GALK2: variants seen among roughly 807,000 people sequenced by gnomAD.
GALK2 encodes N-acetylgalactosamine kinase.
Under a neutral mutation model 52.4 loss-of-function variants are expected in GALK2, and 36 were observed. The observed-to-expected ratio is 0.69, with a 90% CI of 0.53 to 0.91. The LOEUF (loss-of-function observed/expected upper bound fraction) is 0.91. Ranked by LOEUF, GALK2 falls within the 40% of genes least tolerant of loss-of-function variation. The pLI is 0.00. For missense variants in GALK2, 579 were observed against 559.1 expected, an observed-to-expected ratio of 1.04 and a Z score of -0.36; for synonymous variants, 176 against 199.1, an observed-to-expected ratio of 0.88 and a Z score of 0.98.
At chr15:49,307,867 A>AT (rs558638431) in intron 8 of GALK2, among the ~76,000 whole-genome samples, 37 of 152,056 alleles carry the variant, frequency 2.4e-4, no homozygotes, top group Middle Eastern at 3.4e-3. Context: ...TTGAAAGTGC[A>AT]TTTTTTTTCA....
intron 5 of GALK2, among the ~76,000 whole-genome samples, chr15:49,254,300 G>C (rs940802331): frequency 2.1e-5 from 3 of 144,016 alleles, no homozygotes; most frequent in African/African-American, 7.5e-5. Context: ...GACCATCAAA[G>C]ACCATAAATC....
intron 3 of GALK2, among the ~76,000 whole-genome samples, chr15:49,361,251 T>TA (rs1567151364): frequency 6.6e-6 from 1 of 152,188 alleles, no homozygotes; most frequent in Non-Finnish European, 1.5e-5. Context: ...AATTTTTTTT[T>TA]AACTTTTATT....
chr15:49,230,000 C>G (rs984155603), intron 3 of GALK2, among the ~76,000 whole-genome samples: 1 of 152,134 alleles, frequency 6.6e-6, no homozygotes, highest in Non-Finnish European at 1.5e-5. Context: ...AAATACACAG[C>G]AGTCCCACTG....
intron 5 of GALK2, among the ~76,000 whole-genome samples, chr15:49,262,159 G>A (rs925307170): frequency 2.8e-4 from 42 of 152,000 alleles, no homozygotes; most frequent in African/African-American, 1.0e-3. Context: ...GTTCCTCCTT[G>A]TACCTCTGGT....
chr15:49,176,207 C>A, intron 1 of GALK2, among the ~76,000 whole-genome samples: 1 of 152,264 alleles, frequency 6.6e-6, no homozygotes, highest in East Asian at 1.9e-4. Flanking sequence ...ACCTTTTGTT[C>A]CTGACTTCCC....
intron 1 of GALK2, among the ~76,000 whole-genome samples, chr15:49,187,209 G>A (rs1007617427): frequency 2.6e-5 from 4 of 152,212 alleles, no homozygotes; most frequent in African/African-American, 9.7e-5. Context: ...TACTGCCTTG[G>A]TGGTGTTGGG....
intron 5 of GALK2, among the ~76,000 whole-genome samples, chr15:49,263,442 T>C (rs1422650319): frequency 3.7e-5 from 4 of 108,608 alleles, no homozygotes. Flanking sequence ...CTCCATCCTT[T>C]TATTTTGAGC....
chr15:49,206,263 A>C (rs1434763641), intron 2 of GALK2, among the ~76,000 whole-genome samples: 2 of 151,338 alleles, frequency 1.3e-5, no homozygotes, highest in East Asian at 3.9e-4. Context: ...ATTTATTATT[A>C]TTATACTTTT....
intron 8 of GALK2, among the ~76,000 whole-genome samples, chr15:49,304,870 T>C (rs2035416858): frequency 6.6e-6 from 1 of 152,276 alleles, no homozygotes; most frequent in Admixed American, 6.5e-5. Flanking sequence ...TGATCTCTTT[T>C]TATGTTACAC....
intron 3 of GALK2, among the ~76,000 whole-genome samples, chr15:49,358,300 C>T (rs1596489541): frequency 8.0e-6 from 1 of 124,400 alleles, no homozygotes; most frequent in Admixed American, 7.6e-5. Flanking sequence ...TCAAATTGTC[C>T]CTGTTTGCAG....
At chr15:49,281,710 G>T (rs758250719) in intron 5 of GALK2, among the ~76,000 whole-genome samples, 5 of 152,186 alleles carry the variant, frequency 3.3e-5, no homozygotes, top group Non-Finnish European at 7.3e-5. Context: ...TAGAAAGATG[G>T]TAGAAACTGC....
At chr15:49,264,841 C>A (rs2092293843) in intron 5 of GALK2, among the ~76,000 whole-genome samples, 1 of 152,224 alleles carries the variant, frequency 6.6e-6, no homozygotes, top group African/African-American at 2.4e-5. Context: ...AGGTCCACTC[C>A]AGACCCTGTT....
intron 8 of GALK2, among the ~76,000 whole-genome samples, chr15:49,307,289 T>C (rs1207427277): frequency 2.6e-5 from 4 of 152,178 alleles, no homozygotes; most frequent in South Asian, 2.1e-4. Context: ...ACCATACCAT[T>C]TGGGGGACTG....
intron 1 of GALK2, among the ~76,000 whole-genome samples, chr15:49,184,952 T>G (rs2141237548): frequency 6.6e-6 from 1 of 152,312 alleles, no homozygotes; most frequent in Middle Eastern, 3.4e-3. Flanking sequence ...TACCAGTGAA[T>G]TTTCTATCTT....
intron 3 of GALK2, among the ~76,000 whole-genome samples, chr15:49,339,681 G>A (rs1402065523): frequency 6.6e-6 from 1 of 152,202 alleles, no homozygotes; most frequent in Non-Finnish European, 1.5e-5. Context: ...TGTCTTTAGA[G>A]CTGCCAAGTA....
intron 5 of GALK2, among the ~76,000 whole-genome samples, chr15:49,264,097 C>G (rs1393884974): frequency 6.6e-6 from 1 of 151,692 alleles, no homozygotes; most frequent in Non-Finnish European, 1.5e-5. Context: ...TCTGGATTTC[C>G]TGAATCTGAA....
chr15:49,367,359 A>G lies in GALK2; in HGVS notation c.427-132A>G, dbSNP rs949753426. 26 of 1,173,722 alleles carry G rather than the reference A, an allele frequency of 2.2e-5. No individual in the cohort carries two copies. The African/African-American group carries it at 4.0e-4, about 18-fold the overall frequency. The allele number at this position is 1,173,722 out of a possible 1,614,324, so 72.7% of individuals were successfully genotyped here. A position where few individuals can be genotyped will look rare whatever the true frequency, so the allele number is the denominator to read the frequency against. Reference sequence around the variant, plus strand: ...GAAGCATTGATAAAACATGCATTCAATTTGTTTCTCAATTGAGACATTCAG... The same window carrying G: ...GAAGCATTGATAAAACATGCATTCAGTTTGTTTCTCAATTGAGACATTCAG... On this transcript the variant is annotated intron_variant, in intron 3 of 3. Coordinates refer to the GALK2 transcript ENST00000558399.
At chr15:49,225,908 G>A (rs957127305) in intron 3 of GALK2, among the ~76,000 whole-genome samples, 4 of 152,220 alleles carry the variant, frequency 2.6e-5, no homozygotes, top group African/African-American at 9.6e-5. Flanking sequence ...CACCCATACT[G>A]GGCAGTGGAG....
rs2038077343 is a variant in GALK2 at position 49,329,034 on chromosome 15, T to A, written c.*875T>A. ...TTCTTATCACTCTTTTTCTACTACT[T>A]TTTCTCAAATACCTCTCTAATCCAA... is the stretch of plus-strand genomic sequence containing the variant. On this transcript the variant is annotated 3_prime_UTR_variant, in exon 10 of 10. Transcript: ENST00000560031. The A allele has an allele frequency of 9.9e-7, 1 of 1,006,108 alleles. No individual in the cohort carries two copies. Among genetic ancestry groups the A allele is most frequent in the Non-Finnish European group, 1.2e-6 (1 of 842,314 alleles). The allele number at this position is 1,006,108 out of a possible 1,614,324, so 62.3% of individuals were successfully genotyped here.
Sources: gnomAD v4.1 joint callset for allele counts (sites outside exome capture counted in the v4.1 genomes callset) on GRCh38, gnomAD v4.1.1 for gene constraint, MANE v1.5 for transcripts, NCBI Gene and HGNC (gene_info 2026-07-23, HGNC 2026-07-21) for gene names.